The following SPAG16 variants were observed in gnomAD, a reference collection of about 807,000 sequenced individuals.
SPAG16 encodes the protein sperm-associated antigen 16 protein.
In SPAG16, 86 loss-of-function variants were observed where a neutral mutation model predicts 80.4. That is an observed-to-expected ratio of 1.07 (90% CI 0.90 to 1.28). The LOEUF is 1.28. SPAG16 is among the 50% of genes most tolerant of loss of function. The probability of loss-of-function intolerance (pLI) is 0.00; values close to 1 mark genes in which losing one functional copy is unlikely to be tolerated. For missense variants in SPAG16, 870 were observed against 765.3 expected, an observed-to-expected ratio of 1.14 and a Z score of -1.61; for synonymous variants, 294 against 265.9, an observed-to-expected ratio of 1.11 and a Z score of -1.03.
At chr2:213,575,994 G>A (rs376074569) in intron 10 of SPAG16, among the ~76,000 whole-genome samples, 2 of 152,136 alleles carry the variant, frequency 1.3e-5, no homozygotes, top group East Asian at 3.9e-4. Flanking sequence ...GTTAAAAAAA[G>A]CAACACAAGA....
At chr2:213,420,599 T>G (rs2069525943) in intron 9 of SPAG16, among the ~76,000 whole-genome samples, 1 of 152,206 alleles carries the variant, frequency 6.6e-6, no homozygotes, top group Non-Finnish European at 1.5e-5. Flanking sequence ...TTAATACTCT[T>G]GAAGGAATTA....
chr2:213,728,155 C>T (rs1026213386), intron 10 of SPAG16, among the ~76,000 whole-genome samples: 5 of 152,026 alleles, frequency 3.3e-5, no homozygotes, highest in African/African-American at 1.2e-4. Context: ...GGCCAAATGA[C>T]AGTTCTTAAA....
chr2:213,735,439 A>G (rs928447272), intron 10 of SPAG16, among the ~76,000 whole-genome samples: 1 of 152,192 alleles, frequency 6.6e-6, no homozygotes, highest in Non-Finnish European at 1.5e-5. Flanking sequence ...TATAAATTCC[A>G]AACAGAATGT....
At chr2:213,825,402 A>G (rs770470406) in intron 10 of SPAG16, among the ~76,000 whole-genome samples, 34 of 152,036 alleles carry the variant, frequency 2.2e-4, no homozygotes, top group Non-Finnish European at 3.2e-4. Context: ...TGTTCCTTCT[A>G]TTCCCAGTTT....
chr2:213,530,881 GTTTGTATATTTGTGCT>G (rs1413392536), intron 10 of SPAG16, among the ~76,000 whole-genome samples: 2 of 151,772 alleles, frequency 1.3e-5, no homozygotes, highest in Non-Finnish European at 2.9e-5. Flanking sequence ...CCAATCATGT[GTTTGTATATTTGTGCT>G]TTTTCTCATT....
intron 10 of SPAG16, among the ~76,000 whole-genome samples, chr2:213,552,264 A>T (rs1035624878): frequency 2.6e-5 from 4 of 152,092 alleles, no homozygotes; most frequent in Non-Finnish European, 1.5e-5. Context: ...TTAATTTTAC[A>T]TTTTGAATTG....
intron 10 of SPAG16, among the ~76,000 whole-genome samples, chr2:213,704,501 T>G (rs1237470398): frequency 6.6e-6 from 1 of 152,140 alleles, no homozygotes; most frequent in Non-Finnish European, 1.5e-5. Flanking sequence ...CTCAAAGAGA[T>G]CTGTCAAGAC....
intron 10 of SPAG16, among the ~76,000 whole-genome samples, chr2:213,718,345 C>G (rs926388968): frequency 2.0e-5 from 3 of 152,164 alleles, no homozygotes; most frequent in African/African-American, 4.8e-5. Flanking sequence ...TCAGAGCCCT[C>G]GCTTGCTCTC....
At chr2:214,114,577 A>T (rs2053837620) in intron 14 of SPAG16, among the ~76,000 whole-genome samples, 1 of 152,166 alleles carries the variant, frequency 6.6e-6, no homozygotes, top group South Asian at 2.1e-4. Context: ...AGCAGTGAGC[A>T]AGGCTCCATG....
At chr2:213,667,116 CT>C (rs2063635892) in intron 10 of SPAG16, among the ~76,000 whole-genome samples, 1 of 152,072 alleles carries the variant, frequency 6.6e-6, no homozygotes, top group Admixed American at 6.6e-5. Context: ...ATTTAGATTT[CT>C]TATAGAAAAA....
intron 11 of SPAG16, among the ~76,000 whole-genome samples, chr2:213,886,330 AG>A (rs1237020144): frequency 1.3e-5 from 2 of 152,130 alleles, no homozygotes; most frequent in Admixed American, 6.6e-5. Context: ...ACGGATATTC[AG>A]AAACTAGAAT....
intron 1 of SPAG16, among the ~76,000 whole-genome samples, chr2:213,290,649 T>C (rs1382855804): frequency 6.6e-6 from 1 of 152,208 alleles, no homozygotes; most frequent in Non-Finnish European, 1.5e-5. Flanking sequence ...TAGCTTATTA[T>C]TTCAGTGAAA....
chr2:213,934,514 C>T (rs1335588449), intron 12 of SPAG16, among the ~76,000 whole-genome samples: 3 of 152,084 alleles, frequency 2.0e-5, no homozygotes, highest in East Asian at 3.9e-4. Context: ...AGTGAATATT[C>T]TAAGTGTGGA....
intron 10 of SPAG16, among the ~76,000 whole-genome samples, chr2:213,732,599 G>T (rs1306081101): frequency 1.3e-5 from 2 of 152,100 alleles, no homozygotes; most frequent in African/African-American, 4.8e-5. Flanking sequence ...TTCTAATTCT[G>T]TGAAAAATGT....
intron 15 of SPAG16, among the ~76,000 whole-genome samples, chr2:214,347,661 G>A (rs1576842388): frequency 6.6e-6 from 1 of 152,314 alleles, no homozygotes; most frequent in South Asian, 2.1e-4. Flanking sequence ...TATCACAGTG[G>A]TGTTATGAGT....
intron 10 of SPAG16, among the ~76,000 whole-genome samples, chr2:213,588,842 A>AAAAAAAC: frequency 7.1e-6 from 1 of 141,608 alleles, no homozygotes; most frequent in African/African-American, 2.9e-5. Flanking sequence ...AAAAAAAAAA[A>AAAAAAAC]AGACTCCCTA....
intron 9 of SPAG16, among the ~76,000 whole-genome samples, chr2:213,441,363 C>T (rs969369659): frequency 2.0e-5 from 3 of 152,100 alleles, no homozygotes; most frequent in African/African-American, 7.2e-5. Flanking sequence ...CTTCTATACG[C>T]ATAGTATGGA....
intron 10 of SPAG16, among the ~76,000 whole-genome samples, chr2:213,574,233 C>G (rs528108135): frequency 6.6e-6 from 1 of 152,112 alleles, no homozygotes. Flanking sequence ...ATCAGCCCTG[C>G]TGGGACTATA....
intron 15 of SPAG16, among the ~76,000 whole-genome samples, chr2:214,296,337 A>T (rs1380377335): frequency 6.6e-6 from 1 of 152,196 alleles, no homozygotes; most frequent in Non-Finnish European, 1.5e-5. Flanking sequence ...TATTGTGGAT[A>T]GTGCTGCAAT....
Sources: allele counts gnomAD v4.1 joint callset (sites outside exome capture counted in the v4.1 genomes callset), GRCh38; gene constraint gnomAD v4.1.1; transcripts MANE v1.5; gene names NCBI Gene and HGNC (gene_info 2026-07-23, HGNC 2026-07-21).